Variants in LRRTM4 observed in about 807,000 individuals in gnomAD.
LRRTM4 encodes the protein leucine rich repeat transmembrane neuronal 4.
LRRTM4 carries 25 observed loss-of-function variants against 47.6 expected under a neutral mutation model. That is an observed-to-expected ratio of 0.53 (90% CI 0.38 to 0.73). The LOEUF is 0.73. LRRTM4 is among the 30% of genes least tolerant of loss of function. The pLI is 0.00. For synonymous variants in LRRTM4, 311 were observed against 269.5 expected (o/e 1.15, Z -1.51); for missense variants, 638 against 713.4 (o/e 0.89, Z 1.20).
At chr2:77,124,333 G>A (rs375528493) in intron 3 of LRRTM4, among the ~76,000 whole-genome samples, 109 of 152,132 alleles carry the variant, frequency 7.2e-4, no homozygotes, top group African/African-American at 2.4e-3. Flanking sequence ...AATACACACA[G>A]GACAATGTCA....
At chr2:76,855,096 G>A (rs760047990) in intron 3 of LRRTM4, among the ~76,000 whole-genome samples, 18 of 152,254 alleles carry the variant, frequency 1.2e-4, no homozygotes, top group South Asian at 4.1e-4. Flanking sequence ...ATCTGCGAGC[G>A]GAGCATTCCA....
In LRRTM4 at chr2:77,266,253, G is replaced by A. The variant is rs115442331; in HGVS notation, c.1551+252065C>T. Among the ~76,000 whole-genome samples the A allele has an allele frequency of 2.8e-3, 422 of 152,230 alleles. 3 individuals carry two copies. The highest frequency in any genetic ancestry group is 9.7e-3 in the African/African-American group (405 of 41,558). ...ACTCTTTAAAACATGACAGTAGAGA[G>A]ACACAATAAAGGAGTATTATTCAGA... On this transcript the variant is annotated intron_variant, in intron 3 of 3. Coordinates refer to ENST00000409884, the MANE Select transcript of LRRTM4 (RefSeq NM_001134745.3).
At chr2:77,220,131 G>A (rs560429569) in intron 3 of LRRTM4, among the ~76,000 whole-genome samples, 26 of 152,256 alleles carry the variant, frequency 1.7e-4, no homozygotes, top group Non-Finnish European at 3.2e-4. Flanking sequence ...TCCAACAGAC[G>A]TGCAGCTGAG....
intron 3 of LRRTM4, among the ~76,000 whole-genome samples, chr2:76,919,460 T>C (rs1165496779): frequency 5.9e-5 from 9 of 152,068 alleles, no homozygotes; most frequent in Non-Finnish European, 1.2e-4. Flanking sequence ...GACAAAACTT[T>C]CTTGAGAATG....
chr2:76,807,411 T>C (rs1324543324), intron 3 of LRRTM4, among the ~76,000 whole-genome samples: 5 of 86,014 alleles, frequency 5.8e-5, no homozygotes, highest in African/African-American at 3.1e-4. Flanking sequence ...TATATACGTA[T>C]ATATATATAT....
At chr2:77,318,183 T>A (rs1315680573) in intron 3 of LRRTM4, among the ~76,000 whole-genome samples, 1 of 151,998 alleles carries the variant, frequency 6.6e-6, no homozygotes, top group African/African-American at 2.4e-5. Flanking sequence ...ATTTTTTGTA[T>A]TTTTAGTAGA....
At chr2:76,884,301 G>C (rs980596972) in intron 3 of LRRTM4, among the ~76,000 whole-genome samples, 1 of 152,084 alleles carries the variant, frequency 6.6e-6, no homozygotes, top group Non-Finnish European at 1.5e-5. Flanking sequence ...CCAAGTCATG[G>C]AGCTAATTAT....
intron 3 of LRRTM4, among the ~76,000 whole-genome samples, chr2:77,094,509 A>G (rs893391600): frequency 1.3e-5 from 2 of 152,042 alleles, no homozygotes; most frequent in Non-Finnish European, 2.9e-5. Context: ...AGAGTATAAC[A>G]CTCCCTGATA....
rs1676876857 is a variant in LRRTM4, at chr2:77,293,161, A to G, written c.1551+225157T>C. 6.6e-5 allele frequency among the ~76,000 whole-genome samples: 10 copies of G among 152,236 alleles called. No individual in the cohort carries two copies. The South Asian group carries it at 2.1e-3, about 32-fold the overall frequency. ...ATGAAAATGTATAATCGGGAAGAAA[A>G]AAGTGTCATTAAATATGAAACTAAG... On this transcript the variant is annotated intron_variant, in intron 3 of 3. Coordinates refer to ENST00000409884, the MANE Select transcript of LRRTM4 (RefSeq NM_001134745.3).
intron 3 of LRRTM4, among the ~76,000 whole-genome samples, chr2:76,793,872 T>C (rs929023250): frequency 1.3e-5 from 2 of 152,218 alleles, no homozygotes; most frequent in Non-Finnish European, 2.9e-5. Context: ...CAAATACAAT[T>C]CGTATGATCT....
intron 3 of LRRTM4, among the ~76,000 whole-genome samples, chr2:77,424,296 A>G (rs891689727): frequency 6.7e-6 from 1 of 150,024 alleles, no homozygotes; most frequent in African/African-American, 2.5e-5. Context: ...AGAAAACTGA[A>G]TTTTTAGAAA....
chr2:76,913,306 G>GGTATTTTTTTTTCTAAAGTGAGTGAT (rs1305369897), intron 3 of LRRTM4, among the ~76,000 whole-genome samples: 1 of 149,624 alleles, frequency 6.7e-6, no homozygotes, highest in African/African-American at 2.5e-5. Flanking sequence ...CTTATTACTG[G>GGTATTTTTTTTTCTAAAGTGAGTGAT]GTATTTTTTT....
chr2:77,008,917 A>G (rs1244939926), intron 3 of LRRTM4: 1 of 150,408 alleles, frequency 6.6e-6, no homozygotes, highest in Non-Finnish European at 1.5e-5. Context: ...GCTAGGTCTC[A>G]AGCCATATTG....
intron 3 of LRRTM4, among the ~76,000 whole-genome samples, chr2:77,130,660 G>T (rs991365536): frequency 7.1e-6 from 1 of 140,106 alleles, no homozygotes; most frequent in African/African-American, 2.7e-5. Context: ...TACAGGCGCC[G>T]GCCACCACTC....
intron 3 of LRRTM4, among the ~76,000 whole-genome samples, chr2:77,477,928 AAAGAAAG>A (rs1339652194): frequency 8.7e-6 from 1 of 114,312 alleles, no homozygotes; most frequent in Non-Finnish European, 2.0e-5. Flanking sequence ...AGAAAGAAAG[AAAGAAAG>A]AAAGAAAGAA....
intron 3 of LRRTM4, among the ~76,000 whole-genome samples, chr2:77,152,489 G>T (rs958736884): frequency 6.6e-6 from 1 of 151,670 alleles, no homozygotes; most frequent in Non-Finnish European, 1.5e-5. Flanking sequence ...CCACCACGCC[G>T]GGCTAATTTT....
intron 3 of LRRTM4, among the ~76,000 whole-genome samples, chr2:77,126,190 T>C (rs980799172): frequency 6.6e-6 from 1 of 152,166 alleles, no homozygotes; most frequent in South Asian, 2.1e-4. Context: ...GTTGTAAAAC[T>C]AACTTGCCTT....
In LRRTM4 at chr2:77,092,407, T is replaced by C. The variant is rs369993780; in HGVS notation, c.1552-343491A>G. 2.0e-4 allele frequency among the ~76,000 whole-genome samples: 29 copies of C among 147,310 alleles called. No individual in the cohort carries two copies. The East Asian group carries it at 2.4e-3, about 12-fold the overall frequency. On this transcript the variant is annotated intron_variant, in intron 3 of 3. Transcript: ENST00000409884. ...ATTGCCACACACCAGCAAAGGCAGG[T>C]TATGCTATAGTACAAGCCACTAGCC...
chr2:76,989,002 G>A lies in LRRTM4; in HGVS notation c.1552-240086C>T, dbSNP rs192183303. On this transcript the variant is annotated intron_variant, in intron 3 of 3. Coordinates refer to ENST00000409884, the MANE Select transcript of LRRTM4 (RefSeq NM_001134745.3). ...TATCAATTATTATGAAAACAAAAAT[G>A]TGTCTTTTCTTAACTTTTACTTCAA... Among the ~76,000 whole-genome samples the A allele has an allele frequency of 1.1e-4, 17 of 151,868 alleles. No individual in the cohort carries two copies. The East Asian group carries it at 2.7e-3, about 24-fold the overall frequency.
Sources: allele counts gnomAD v4.1 joint callset (sites outside exome capture counted in the v4.1 genomes callset), GRCh38; gene constraint gnomAD v4.1.1; transcripts MANE v1.5; gene names NCBI Gene and HGNC (gene_info 2026-07-23, HGNC 2026-07-21).